Variants in TOGARAM2 observed in about 807,000 individuals in gnomAD.
TOGARAM2 encodes the protein TOG array regulator of axonemal microtubules 2.
A neutral mutation model predicts 93.3 loss-of-function variants in TOGARAM2; 85 were observed. That is an observed-to-expected ratio of 0.91 (90% CI 0.76 to 1.09). The LOEUF (loss-of-function observed/expected upper bound fraction) is 1.09, where lower values mean the gene tolerates loss of function less well. Ranked by LOEUF, TOGARAM2 falls within the 50% of genes least tolerant of loss-of-function variation. TOGARAM2 has a pLI of 0.00. For missense variants in TOGARAM2, 1,277 were observed against 1,334.5 expected (o/e 0.96, Z 0.67); for synonymous variants, 593 against 552.8 (o/e 1.07, Z -1.02).
Position 29,003,598 on chromosome 2 carries a change from C to T in TOGARAM2, c.746C>T (p.Thr249Ile), listed in dbSNP as rs1168038071. Residue 249 changes from threonine (T) to isoleucine (I), a missense_variant, in exon 6 of 20, where the codon ACC (threonine) becomes ATC (isoleucine). Coordinates refer to ENST00000379558, the MANE Select transcript of TOGARAM2 (RefSeq NM_199280.4). ...PIPKARTVAATPSRVPGSLPS... is the reference protein window; with the variant it reads ...PIPKARTVAAIPSRVPGSLPS... The stretch of plus-strand genomic sequence containing the variant: ...CCAAAGGCCAGGACGGTTGCAGCGA[C>T]CCCCTCCCGTGTGCCTGGCTCCCTT... 4 of 1,594,420 alleles carry T rather than the reference C, an allele frequency of 2.5e-6. No homozygotes were observed. The highest frequency in any genetic ancestry group is 1.4e-5 in the African/African-American group (1 of 73,996).
chr2:29,016,778 G>A (rs534134968), intron 8 of TOGARAM2, among the ~76,000 whole-genome samples: 6 of 152,194 alleles, frequency 3.9e-5, no homozygotes, highest in African/African-American at 7.2e-5. Flanking sequence ...AAGCACACCC[G>A]GCCTCAGAGC....
chr2:28,997,219 C>A (rs1220818264), intron 2 of TOGARAM2, among the ~76,000 whole-genome samples: 2 of 124,278 alleles, frequency 1.6e-5, no homozygotes, highest in Non-Finnish European at 4.1e-5. Context: ...GGATTAATAA[C>A]CAGAATATAT....
chr2:28,999,613 C>T, intron 4 of TOGARAM2, 145 bp downstream of exon 4: 1 of 969,028 alleles, frequency 1.0e-6, no homozygotes, highest in Non-Finnish European at 1.5e-6. Context: ...CAGGTACCTT[C>T]TCTATGGCTT....
intron 1 of TOGARAM2, among the ~76,000 whole-genome samples, chr2:28,974,673 G>T (rs1025412542): frequency 2.0e-5 from 3 of 151,942 alleles, no homozygotes; most frequent in Non-Finnish European, 4.4e-5. Flanking sequence ...GGGTGCAGTG[G>T]CTTGATCTTG....
Position 28,999,213 on chromosome 2 carries a change from A to G in TOGARAM2, c.172A>G (p.Asn58Asp). Reference protein sequence around the residue: ...SLQPEPRALLNNEEPSQLLRG... With the variant: ...SLQPEPRALLDNEEPSQLLRG... ...CCAGCCTGAGCCAAGAGCCCTGCTGAACAACGAGGAACCGTCACAGCTCCT... is the reference window on the plus strand; with the variant it reads ...CCAGCCTGAGCCAAGAGCCCTGCTGGACAACGAGGAACCGTCACAGCTCCT... The change falls in exon 4 of 20, where the codon AAC (asparagine) becomes GAC (aspartate). Residue 58 changes from asparagine (N) to aspartate (D), a missense_variant. Transcript: ENST00000379558. 6.2e-7 allele frequency: 1 copy of G among 1,613,718 alleles called. No homozygotes were observed.
intron 10 of TOGARAM2, among the ~76,000 whole-genome samples, chr2:29,021,637 T>C (rs1253007454): frequency 6.6e-6 from 1 of 152,214 alleles, no homozygotes; most frequent in Admixed American, 6.5e-5. Context: ...CTACATTGTC[T>C]TCCTCTAGCC....
intron 19 of TOGARAM2, chr2:29,047,448 C>T (rs1005982243): frequency 6.6e-6 from 1 of 152,262 alleles, no homozygotes; most frequent in Non-Finnish European, 1.5e-5. Context: ...CTTCTGTTAA[C>T]TCTGTGTCCA....
At chr2:29,005,322 T>C in intron 6 of TOGARAM2, among the ~76,000 whole-genome samples, 1 of 96,406 alleles carries the variant, frequency 1.0e-5, no homozygotes. Flanking sequence ...TATGTGTGCA[T>C]GTGTGTGTGA....
chr2:28,993,978 C>G (rs544555407), intron 1 of TOGARAM2, among the ~76,000 whole-genome samples: 11 of 152,362 alleles, frequency 7.2e-5, no homozygotes, highest in African/African-American at 2.4e-4. Flanking sequence ...CACAGATCAG[C>G]TCTGGAAGCA....
intron 19 of TOGARAM2, chr2:29,051,013 C>T (rs1667029608): frequency 6.6e-6 from 1 of 152,272 alleles, no homozygotes; most frequent in African/African-American, 2.4e-5. Flanking sequence ...TGCTGGTTCA[C>T]AAGCACGTTC....
chr2:29,020,654 CG>C (rs1325316630), intron 10 of TOGARAM2, among the ~76,000 whole-genome samples: 1 of 152,066 alleles, frequency 6.6e-6, no homozygotes, highest in East Asian at 1.9e-4. Context: ...CTGTGGGGTG[CG>C]GTGAAGGCGA....
intron 12 of TOGARAM2, among the ~76,000 whole-genome samples, 189 bp from the exon 13 acceptor site, chr2:29,023,950 T>C (rs977596841): frequency 1.1e-4 from 17 of 152,298 alleles, no homozygotes; most frequent in Admixed American, 9.2e-4. Context: ...GGATTAATAA[T>C]TGAGATGATA....
intron 15 of TOGARAM2, 122 bp from the exon 16 acceptor site, chr2:29,033,347 T>C (rs2148372029): frequency 1.1e-6 from 1 of 932,160 alleles, no homozygotes; most frequent in East Asian, 2.6e-5. Flanking sequence ...GGCTCAACTG[T>C]GACATCTGAA....
At chr2:29,050,945 T>G (rs1667026854) in intron 19 of TOGARAM2, 1 of 152,436 alleles carries the variant, frequency 6.6e-6, no homozygotes, top group Non-Finnish European at 1.5e-5. Flanking sequence ...TAGAGAGGGT[T>G]GGGGGCCTTG....
chr2:29,045,011 T>C (rs1278973862), intron 18 of TOGARAM2, among the ~76,000 whole-genome samples: 5 of 152,154 alleles, frequency 3.3e-5, no homozygotes, highest in African/African-American at 1.2e-4. Flanking sequence ...TCTACCTACC[T>C]ACCTACCTGT....
intron 18 of TOGARAM2, among the ~76,000 whole-genome samples, chr2:29,041,921 A>G (rs1036808042): frequency 6.6e-6 from 1 of 152,246 alleles, no homozygotes; most frequent in Non-Finnish European, 1.5e-5. Flanking sequence ...TTGCATAGTA[A>G]TTATATGCTG....
intron 2 of TOGARAM2, among the ~76,000 whole-genome samples, chr2:28,996,905 G>A (rs1459886218): frequency 6.7e-6 from 1 of 150,058 alleles, no homozygotes; most frequent in Non-Finnish European, 1.5e-5. Flanking sequence ...TGGCCTAATA[G>A]TATCCCATTG....
At chr2:29,042,360 G>T (rs1254357436) in intron 18 of TOGARAM2, among the ~76,000 whole-genome samples, 2 of 152,268 alleles carry the variant, frequency 1.3e-5, no homozygotes, top group East Asian at 3.8e-4. Context: ...ACAGGTCTCT[G>T]CTGGATATGC....
At chr2:29,009,074 G>A (rs1664056688) in intron 6 of TOGARAM2, among the ~76,000 whole-genome samples, 1 of 152,208 alleles carries the variant, frequency 6.6e-6, no homozygotes, top group Non-Finnish European at 1.5e-5. Flanking sequence ...GTGTGCTCCA[G>A]CCAGGAAGTC....
Sources: allele counts gnomAD v4.1 joint callset (sites outside exome capture counted in the v4.1 genomes callset), GRCh38; gene constraint gnomAD v4.1.1; transcripts MANE v1.5; gene names NCBI Gene and HGNC (gene_info 2026-07-23, HGNC 2026-07-21).